MAP3K5: variants seen among roughly 807,000 people sequenced by gnomAD.
MAP3K5 encodes the protein mitogen-activated protein kinase kinase kinase 5.
A neutral mutation model predicts 158.7 loss-of-function variants in MAP3K5; 56 were observed. The observed-to-expected ratio is 0.35, with a 90% confidence interval of 0.28 to 0.44. The LOEUF is 0.44. Ranked by LOEUF, MAP3K5 falls within the 20% of genes least tolerant of loss-of-function variation. The pLI, the probability that MAP3K5 is intolerant of heterozygous loss-of-function variation, is 1.00. For missense variants in MAP3K5, 1,294 were observed against 1,674.8 expected, an observed-to-expected ratio of 0.77 and a Z score of 3.97; for synonymous variants, 579 against 601.7, an observed-to-expected ratio of 0.96 and a Z score of 0.55.
chr6:136,600,917 C>G (rs1775844817), intron 21 of MAP3K5, 105 bp downstream of exon 21: 5 of 1,182,014 alleles, frequency 4.2e-6, no homozygotes, highest in South Asian at 1.2e-5. Flanking sequence ...CCTTTCCCCC[C>G]ATGTAAGCCA....
chr6:136,587,583 C>G (rs9402830), intron 23 of MAP3K5, among the ~76,000 whole-genome samples: 18,237 of 152,080 alleles, frequency 0.12, 1,333 homozygotes, highest in East Asian at 0.32. Flanking sequence ...TTCTACTGCC[C>G]CAATGACCTG....
At chr6:136,668,082 C>A (rs1207479343) in intron 8 of MAP3K5, among the ~76,000 whole-genome samples, 1 of 151,762 alleles carries the variant, frequency 6.6e-6, no homozygotes, top group African/African-American at 2.4e-5. Context: ...AGAAAAGTAA[C>A]AAGAAATTCG....
chr6:136,737,672 C>T (rs1290276536), intron 1 of MAP3K5, among the ~76,000 whole-genome samples: 1 of 152,238 alleles, frequency 6.6e-6, no homozygotes, highest in East Asian at 1.9e-4. Context: ...TGTTCTCCCA[C>T]ATGTTGATTT....
At position 136,669,285 on chromosome 6, in the gene MAP3K5, A is replaced by G. The variant is rs930894804; in HGVS notation, c.1364T>C (p.Val455Ala). 6.2e-7 allele frequency: 1 copy of G among 1,608,820 alleles called. No individual in the cohort carries two copies. Among genetic ancestry groups the G allele is most frequent in the Admixed American group, 1.7e-5 (1 of 59,820 alleles). Residue 455 changes from valine (V) to alanine (A), a missense_variant and splice_region_variant, in exon 8 of 30, where the codon GTT becomes GCT. Transcript: ENST00000359015. ...GTAAAATATCAAGTTGTAATTACCA[A>G]CTTTCCGGAGCTCAAAGGAAGATTC... ...QFESSFELRK[V>A]GVKLSSLLGK...
At chr6:136,653,782 T>G (rs1262477066) in intron 10 of MAP3K5, among the ~76,000 whole-genome samples, 1 of 152,210 alleles carries the variant, frequency 6.6e-6, no homozygotes, top group African/African-American at 2.4e-5. Context: ...TCCATTAAAT[T>G]TGGAGCTTCT....
In MAP3K5 at chr6:136,645,408, G is replaced by A. The variant is rs1242581801; in HGVS notation, c.1789-2839C>T. On this transcript the variant is annotated intron_variant, in intron 11 of 29. Transcript: ENST00000359015. ...GCCTTCTGTGAGTGGCCACTGGCTG[G>A]AGCTGAAGTGAGGGAGGAGAGTCAG... 2.0e-5 allele frequency among the ~76,000 whole-genome samples: 3 copies of A among 152,208 alleles called. No homozygotes were observed. The East Asian group carries it at 5.8e-4, about 29-fold the overall frequency.
At chr6:136,594,355 G>A (rs1775529645) in intron 21 of MAP3K5, among the ~76,000 whole-genome samples, 1 of 152,150 alleles carries the variant, frequency 6.6e-6, no homozygotes, top group South Asian at 2.1e-4. Flanking sequence ...AACTGCTTTT[G>A]AGTCATTCCT....
intron 1 of MAP3K5, among the ~76,000 whole-genome samples, chr6:136,761,055 G>GA (rs982281133): frequency 6.6e-6 from 1 of 152,122 alleles, no homozygotes; most frequent in Non-Finnish European, 1.5e-5. Context: ...CGATAACAGA[G>GA]AAAAGACAGC....
chr6:136,746,636 A>G (rs1227225414), intron 1 of MAP3K5, among the ~76,000 whole-genome samples: 1 of 152,020 alleles, frequency 6.6e-6, no homozygotes, highest in Non-Finnish European at 1.5e-5. Flanking sequence ...TCTATGTATA[A>G]TCATGGTTTA....
chr6:136,716,638 T>C (rs945001014), intron 2 of MAP3K5, among the ~76,000 whole-genome samples: 3 of 152,208 alleles, frequency 2.0e-5, no homozygotes, highest in Non-Finnish European at 4.4e-5. Context: ...ACCAGGAGTG[T>C]CCAGACTTAC....
At chr6:136,738,937 C>T (rs201284165) in intron 1 of MAP3K5, among the ~76,000 whole-genome samples, 1,947 of 115,848 alleles carry the variant, frequency 0.017, 20 homozygotes, top group Non-Finnish European at 0.026. Flanking sequence ...AACACACACA[C>T]GCGTGCACAC....
chr6:136,738,695 G>A (rs1024471003), intron 1 of MAP3K5, among the ~76,000 whole-genome samples: 3 of 152,114 alleles, frequency 2.0e-5, no homozygotes, highest in Admixed American at 6.6e-5. Flanking sequence ...ATGTATATTA[G>A]CCATCAGAAA....
intron 1 of MAP3K5, among the ~76,000 whole-genome samples, chr6:136,739,269 G>A (rs1782611109): frequency 6.6e-6 from 1 of 152,182 alleles, no homozygotes; most frequent in African/African-American, 2.4e-5. Context: ...TGCCTGGGGT[G>A]TAGCTGGCTG....
intron 1 of MAP3K5, among the ~76,000 whole-genome samples, chr6:136,761,548 G>T (rs1488602236): frequency 6.6e-6 from 1 of 152,144 alleles, no homozygotes; most frequent in Non-Finnish European, 1.5e-5. Context: ...TACAGAACTT[G>T]AAAGGGGAAA....
chr6:136,597,042 TAAG>T (rs1256307171), intron 21 of MAP3K5, among the ~76,000 whole-genome samples: 6 of 152,130 alleles, frequency 3.9e-5, no homozygotes, highest in African/African-American at 1.4e-4. Flanking sequence ...TGCCAGGTAT[TAAG>T]AAGCCCTCCT....
At chr6:136,740,838 A>T (rs1156257987) in intron 1 of MAP3K5, among the ~76,000 whole-genome samples, 2 of 152,206 alleles carry the variant, frequency 1.3e-5, no homozygotes, top group African/African-American at 4.8e-5. Flanking sequence ...AAGGAGCTTG[A>T]GTGCTAAATT....
intron 23 of MAP3K5, among the ~76,000 whole-genome samples, chr6:136,585,343 C>T (rs926728071): frequency 2.0e-5 from 3 of 151,594 alleles, no homozygotes; most frequent in African/African-American, 7.3e-5. Context: ...GTCTCAAATT[C>T]CTGGGCTCAA....
intron 14 of MAP3K5, among the ~76,000 whole-genome samples, chr6:136,623,273 C>A (rs964788671): frequency 1.3e-5 from 2 of 152,206 alleles, no homozygotes; most frequent in South Asian, 4.1e-4. Context: ...TCCTGTTTTT[C>A]ATTGATTCTG....
chr6:136,713,254 C>T (rs561803275), intron 2 of MAP3K5, among the ~76,000 whole-genome samples: 31 of 152,238 alleles, frequency 2.0e-4, no homozygotes, highest in African/African-American at 7.2e-4. Context: ...AGAGTCACTA[C>T]AAATGAGAAA....
Sources: gnomAD v4.1 joint callset for allele counts (sites outside exome capture counted in the v4.1 genomes callset) on GRCh38, gnomAD v4.1.1 for gene constraint, MANE v1.5 for transcripts, NCBI Gene and HGNC (gene_info 2026-07-23, HGNC 2026-07-21) for gene names.